Variants in EVX1 observed in about 807,000 individuals in gnomAD.
EVX1 encodes the protein homeobox even-skipped homolog protein 1.
EVX1 carries 19 observed loss-of-function variants against 28.6 expected under a neutral mutation model. That is an observed-to-expected ratio of 0.67 (90% confidence interval 0.46 to 0.98). EVX1 has a LOEUF of 0.98. Among genes scored for constraint, EVX1 ranks in the 50% least tolerant of loss-of-function variants. EVX1 has a pLI of 0.00. For synonymous variants in EVX1, 324 were observed against 278.2 expected (o/e 1.16, Z -1.64); for missense variants, 660 against 583.0 (o/e 1.13, Z -1.36).
Position 27,243,401 on chromosome 7 carries a change from A to G in EVX1, c.371A>G (p.Glu124Gly). 2 of 1,612,114 alleles carry G rather than the reference A, an allele frequency of 1.2e-6. No individual in the cohort carries two copies. The highest frequency in any genetic ancestry group is 2.2e-5 in the South Asian group (2 of 91,010). Reference sequence around the variant, plus strand: ...GAGTCGGATTTCTATGAAGAAATCGAGGTGAGCTGCACCCCGGACTGCGCC... The same window carrying G: ...GAGTCGGATTTCTATGAAGAAATCGGGGTGAGCTGCACCCCGGACTGCGCC... ...DTESDFYEEI[E>G]VSCTPDCATG... The change falls in exon 1 of 3, where the codon GAG (glutamate) becomes GGG (glycine). Residue 124 changes from glutamate to glycine, a missense_variant. Glu to Gly is a moderately conservative substitution (Grantham distance 98). Transcript: ENST00000496902.
chr7:27,245,993 G>T lies in EVX1; in HGVS notation c.792G>T (p.Ala264=), dbSNP rs1171594027. 1.2e-6 allele frequency: 2 copies of T among 1,602,062 alleles called. No homozygotes were observed. The highest frequency in any genetic ancestry group is 1.7e-6 in the Non-Finnish European group (2 of 1,179,652). ...AFYTYMMSHA[A]AAGGLPYPFP... ...ACACTTACATGATGAGCCATGCGGC[G>T]GCCGCGGGCGGCCTGCCCTACCCCT... Residue 264 remains alanine (A), a synonymous_variant, in exon 3 of 3, where the codon GCG becomes GCT. Transcript: ENST00000496902.
At position 27,245,078 on chromosome 7, in the gene EVX1, C is replaced by T. The variant is rs1458340916; in HGVS notation, c.458C>T (p.Pro153Leu). Residue 153 changes from proline (P) to leucine (L), a missense_variant, in exon 2 of 3, where the codon CCG (proline) becomes CTG (leucine). Pro to Leu is a moderately conservative substitution (Grantham distance 98). Transcript: ENST00000496902. ...GGCTCCGAGGCGCTGGTCGGCAGTC[C>T]GAACGGAGGGAGCGAGACCCCCAAG... The part of the protein sequence containing the change: ...GSGSEALVGS[P>L]NGGSETPKSN... 2.5e-6 allele frequency: 4 copies of T among 1,612,346 alleles called. No individual in the cohort carries two copies. The highest frequency in any genetic ancestry group is 3.3e-4 in the Middle Eastern group (2 of 6,058).
In EVX1 at chr7:27,246,313, C is replaced by G; in HGVS notation, c.1112C>G (p.Thr371Ser). Residue 371 changes from threonine to serine, a missense_variant, in exon 3 of 3, where the codon ACC becomes AGC. Thr to Ser is a moderately conservative substitution (Grantham distance 58, BLOSUM62 1). This residue lies in a region of EVX1 where 299 missense variants were observed against 241.3 expected (regional missense o/e 1.24). Transcript: ENST00000496902. The part of the protein sequence containing the change: ...APRAAAASDF[T>S]CASTSRSDSF... ...CGGGCTGCCGCCGCCTCGGACTTCA[C>G]CTGTGCCTCCACCTCCCGCTCGGAC... is the stretch of plus-strand genomic sequence containing the variant. 1 of 1,594,318 alleles carries G rather than the reference C, an allele frequency of 6.3e-7. No individual in the cohort carries two copies. The highest frequency in any genetic ancestry group is 8.5e-7 in the Non-Finnish European group (1 of 1,176,358).
Position 27,242,850 on chromosome 7 carries a change from C to T in EVX1, c.-181C>T, listed in dbSNP as rs1783057336. 2 of 626,764 alleles carry T rather than the reference C, an allele frequency of 3.2e-6. No individual in the cohort carries two copies. Among genetic ancestry groups the T allele is most frequent in the Admixed American group, 3.4e-5 (1 of 29,748 alleles). The allele number at this position is 626,764 out of a possible 1,614,324, so 38.8% of individuals were successfully genotyped here. On this transcript the variant is annotated 5_prime_UTR_variant, in exon 1 of 3. Transcript: ENST00000496902. The stretch of plus-strand genomic sequence containing the variant: ...CGCTCGCTTCACAAGGTGACCCTAG[C>T]TCCCACCGCCACCGCCGCGGTCGCG...
Position 27,243,029 on chromosome 7 carries a change from G to C in EVX1, c.-2G>C, listed in dbSNP as rs926472648. The stretch of plus-strand genomic sequence containing the variant: ...TCCCCTCCCCCACCGGAGAGCCCCG[G>C]GATGGAGAGCCGAAAGGACATGGTT... On this transcript the variant is annotated 5_prime_UTR_variant, in exon 1 of 3. Coordinates refer to ENST00000496902, the MANE Select transcript of EVX1 (RefSeq NM_001989.5). 8 of 1,580,562 alleles carry C rather than the reference G, an allele frequency of 5.1e-6. No individual in the cohort carries two copies. The highest frequency in any genetic ancestry group is 1.4e-5 in the African/African-American group (1 of 73,402).
At position 27,246,617 on chromosome 7, in the gene EVX1, C is replaced by T. The variant is rs1358568199; in HGVS notation, c.*192C>T. ...GCCTAGGAAGTGGCGGTGGCTGGCG[C>T]GTTTGGGGAGCAGGAGTGGGGATAG... On this transcript the variant is annotated 3_prime_UTR_variant, in exon 3 of 3. Coordinates refer to ENST00000496902, the MANE Select transcript of EVX1 (RefSeq NM_001989.5). The T allele has an allele frequency of 7.9e-6, 5 of 629,818 alleles. No individual in the cohort carries two copies. Among genetic ancestry groups the T allele is most frequent in the Non-Finnish European group, 1.3e-5 (5 of 381,678 alleles). 39.0% of individuals were successfully genotyped at this position (629,818 alleles called of 1,614,324 possible). A position where few individuals can be genotyped will look rare whatever the true frequency, so the allele number is the denominator to read the frequency against.
In EVX1 at chr7:27,245,975, C is replaced by T. The variant is rs1783163996; in HGVS notation, c.774C>T (p.Tyr258=). 1 of 1,605,968 alleles carries T rather than the reference C, an allele frequency of 6.2e-7. No individual in the cohort carries two copies. The highest frequency in any genetic ancestry group is 1.7e-5 in the Admixed American group (1 of 60,002). The stretch of plus-strand genomic sequence containing the variant: ...CGGCGGACCCCGCCTTCTACACTTA[C>T]ATGATGAGCCATGCGGCGGCCGCGG... The part of the protein sequence containing the change: ...PHPADPAFYT[Y]MMSHAAAAGG... Residue 258 remains tyrosine, a synonymous_variant, in exon 3 of 3, where the codon TAC becomes TAT. Transcript: ENST00000496902.
Position 27,246,540 on chromosome 7 carries a change from G to A in EVX1, c.*115G>A, listed in dbSNP as rs1251222528. On this transcript the variant is annotated 3_prime_UTR_variant, in exon 3 of 3. Coordinates refer to ENST00000496902, the MANE Select transcript of EVX1 (RefSeq NM_001989.5). ...TCCTCGCCCCTAGGACGCCAAGGGGGAAAGGAGAGGGCGGAAAAGGACCAG... is the reference window on the plus strand; with the variant it reads ...TCCTCGCCCCTAGGACGCCAAGGGGAAAAGGAGAGGGCGGAAAAGGACCAG... 1 of 1,097,444 alleles carries A rather than the reference G, an allele frequency of 9.1e-7. No homozygotes were observed. The highest frequency in any genetic ancestry group is 1.3e-6 in the Non-Finnish European group (1 of 779,968). The allele number at this position is 1,097,444 out of a possible 1,614,324, so 68.0% of individuals were successfully genotyped here. A position where few individuals can be genotyped will look rare whatever the true frequency, so the allele number is the denominator to read the frequency against.
Position 27,246,495 on chromosome 7 carries a change from C to A in EVX1, c.*70C>A. Reference sequence around the variant, plus strand: ...CCCCCCGGCCCCGGGACTCAGCCAGCCTCGCTCCTCGCTCCTCGCTCCTCG... The same window carrying A: ...CCCCCCGGCCCCGGGACTCAGCCAGACTCGCTCCTCGCTCCTCGCTCCTCG... On this transcript the variant is annotated 3_prime_UTR_variant, in exon 3 of 3. Transcript: ENST00000496902. 7.7e-7 allele frequency: 1 copy of A among 1,291,192 alleles called. No homozygotes were observed. The highest frequency in any genetic ancestry group is 1.1e-6 in the Non-Finnish European group (1 of 938,852). The allele number at this position is 1,291,192 out of a possible 1,614,324, so 80.0% of individuals were successfully genotyped here. A position where few individuals can be genotyped will look rare whatever the true frequency, so the allele number is the denominator to read the frequency against.
Position 27,246,335 on chromosome 7 carries a change from G to C in EVX1, c.1134G>C (p.Ser378=), listed in dbSNP as rs774348718. Residue 378 remains serine, a synonymous_variant, in exon 3 of 3, where the codon TCG becomes TCC. Transcript: ENST00000496902. ...SDFTCASTSR[S]DSFLTFAPSV... is the part of the protein sequence containing the mutation. ...TCACCTGTGCCTCCACCTCCCGCTC[G>C]GACTCCTTCCTCACCTTCGCGCCCT... The C allele has an allele frequency of 3.1e-6, 5 of 1,599,612 alleles. No individual in the cohort carries two copies. The highest frequency in any genetic ancestry group is 1.7e-5 in the Admixed American group (1 of 59,670).
At position 27,246,942 on chromosome 7, in the gene EVX1, C is replaced by T. The variant is rs780818329; in HGVS notation, c.*517C>T. 3.1e-5 allele frequency: 5 copies of T among 161,140 alleles called. No individual in the cohort carries two copies. The highest frequency in any genetic ancestry group is 6.7e-5 in the Non-Finnish European group (5 of 74,996). 10.0% of individuals were successfully genotyped at this position (161,140 alleles called of 1,614,324 possible). ...AGCTTTTCCAAGGCATGACAAGGGG[C>T]TGGTGGATGGCAACATACCAGTCAT... On this transcript the variant is annotated 3_prime_UTR_variant, in exon 3 of 3. Transcript: ENST00000496902.
chr7:27,243,591 C>T (rs1783088422), intron 1 of EVX1, 134 bp downstream of exon 1: 2 of 955,040 alleles, frequency 2.1e-6, no homozygotes, highest in South Asian at 3.7e-5. Flanking sequence ...ACTCTCTCTG[C>T]TATCTGCGTT....
At position 27,243,251 on chromosome 7, in the gene EVX1, C is replaced by T. The variant is rs1331215426; in HGVS notation, c.221C>T (p.Ala74Val). The change falls in exon 1 of 3, where the codon GCA becomes GTA. Residue 74 changes from alanine to valine, a missense_variant. Around this residue, in one of 3 missense-constraint regions of EVX1, gnomAD observed 308 missense variants for 256.6 expected, o/e 1.20. Coordinates refer to ENST00000496902, the MANE Select transcript of EVX1 (RefSeq NM_001989.5). ...GPEEEPVDGL[A>V]GSAAGPGAEP... Reference sequence around the variant, plus strand: ...GAGGAGGAGCCGGTAGATGGACTCGCAGGCAGCGCGGCGGGGCCGGGCGCC... The same window carrying T: ...GAGGAGGAGCCGGTAGATGGACTCGTAGGCAGCGCGGCGGGGCCGGGCGCC... The T allele has an allele frequency of 4.5e-6, 7 of 1,546,578 alleles. No homozygotes were observed. The South Asian group carries it at 7.1e-5, about 16-fold the overall frequency.
In EVX1 at chr7:27,245,021, C is replaced by T. The variant is rs189272240; in HGVS notation, c.428-27C>T. Reference sequence around the variant, plus strand: ...GCGTTTGTGTGTCTGTGTCTGTACACGCCTGTGCTCTGGACTCGCTGTGCA... The same window carrying T: ...GCGTTTGTGTGTCTGTGTCTGTACATGCCTGTGCTCTGGACTCGCTGTGCA... On this transcript the variant is annotated intron_variant, in intron 1 of 2. Coordinates refer to ENST00000496902, the MANE Select transcript of EVX1 (RefSeq NM_001989.5). 2.5e-4 allele frequency: 403 copies of T among 1,601,322 alleles called. 3 individuals are homozygous for T. In the East Asian group the frequency reaches 8.6e-3, roughly 34 times the overall value.
chr7:27,244,345 T>A, intron 1 of EVX1: 1 of 205,446 alleles, frequency 4.9e-6, no homozygotes, highest in Non-Finnish European at 8.1e-6. Flanking sequence ...CACAGAACTG[T>A]AGGAGTGGGT....
At chr7:27,244,452 A>G (rs979128648) in intron 1 of EVX1, 1 of 986,400 alleles carries the variant, frequency 1.0e-6, no homozygotes, top group Non-Finnish European at 1.2e-6. Flanking sequence ...CTATCTTATC[A>G]CCGATTTCAC....
In EVX1 at chr7:27,243,279, G is replaced by C. The variant is rs765307739; in HGVS notation, c.249G>C (p.Glu83Asp). Residue 83 changes from glutamate (E) to aspartate (D), a missense_variant, in exon 1 of 3, where the codon GAG becomes GAC. Coordinates refer to ENST00000496902, the MANE Select transcript of EVX1 (RefSeq NM_001989.5). ...GCAGCGCGGCGGGGCCGGGCGCCGAGCCCCAGGTAGCTGGGGCGGCCATGC... is the reference window on the plus strand; with the variant it reads ...GCAGCGCGGCGGGGCCGGGCGCCGACCCCCAGGTAGCTGGGGCGGCCATGC... ...LAGSAAGPGA[E>D]PQVAGAAMLG... The C allele has an allele frequency of 6.5e-7, 1 of 1,548,136 alleles. No individual in the cohort carries two copies. The highest frequency in any genetic ancestry group is 2.0e-5 in the Admixed American group (1 of 50,180).
Position 27,246,836 on chromosome 7 carries a change from G to A in EVX1, c.*411G>A, listed in dbSNP as rs1783207156. 7.8e-6 allele frequency: 2 copies of A among 257,762 alleles called. No homozygotes were observed. Among genetic ancestry groups the A allele is most frequent in the Non-Finnish European group, 1.5e-5 (2 of 137,488 alleles). The allele number at this position is 257,762 out of a possible 1,614,324, so 16.0% of individuals were successfully genotyped here. On this transcript the variant is annotated 3_prime_UTR_variant, in exon 3 of 3. Coordinates refer to ENST00000496902, the MANE Select transcript of EVX1 (RefSeq NM_001989.5). Reference sequence around the variant, plus strand: ...ACCGGGCCCCCTCTCCCCAGCCAAGGCCCAAGCACTGGAAAGGGAAATTGC... The same window carrying A: ...ACCGGGCCCCCTCTCCCCAGCCAAGACCCAAGCACTGGAAAGGGAAATTGC...
chr7:27,245,231 G>A lies in EVX1; in HGVS notation c.611G>A (p.Arg204Gln), dbSNP rs368325052. The A allele has an allele frequency of 1.4e-5, 23 of 1,613,468 alleles. No homozygotes were observed. Among genetic ancestry groups the A allele is most frequent in the Non-Finnish European group, 1.8e-5 (21 of 1,180,044 alleles). The change falls in exon 2 of 3, where the codon CGG (arginine) becomes CAG (glutamine). Residue 204 changes from arginine (R) to glutamine (Q), a missense_variant. Coordinates refer to ENST00000496902, the MANE Select transcript of EVX1 (RefSeq NM_001989.5). ...QIARLEKEFY[R>Q]ENYVSRPRRC... Reference sequence around the variant, plus strand: ...GCGCGGCTGGAGAAGGAATTCTACCGGGAGAACTACGTATCCAGGCCGCGG... The same window carrying A: ...GCGCGGCTGGAGAAGGAATTCTACCAGGAGAACTACGTATCCAGGCCGCGG...
Sources: gnomAD v4.1 joint callset for allele counts on GRCh38, gnomAD v4.1.1 for gene constraint, gnomAD v4.1.1 regional missense constraint, MANE v1.5 for transcripts, NCBI Gene and HGNC (gene_info 2026-07-23, HGNC 2026-07-21) for gene names.